Variants in MRC2 observed in about 807,000 individuals in gnomAD.
MRC2 encodes the protein mannose receptor C-type 2, also known as C-type mannose receptor 2.
In MRC2, 84 loss-of-function variants were observed where a neutral mutation model predicts 206.2. That is an observed-to-expected ratio of 0.41 (90% CI 0.34 to 0.49). The LOEUF is 0.49. MRC2 is among the 20% of genes least tolerant of loss of function. The pLI is 0.31. For missense variants in MRC2, 1,676 were observed against 2,001.5 expected, an observed-to-expected ratio of 0.84 and a Z score of 3.10; for synonymous variants, 798 against 800.0, an observed-to-expected ratio of 1.00 and a Z score of 0.04.
intron 20 of MRC2, 68 bp from the exon 21 acceptor site, chr17:62,688,221 A>C: frequency 7.2e-7 from 1 of 1,392,700 alleles, no homozygotes; most frequent in Non-Finnish European, 1.0e-6. Flanking sequence ...AGGGGCGCAC[A>C]GTGGCCTTTC....
Position 62,674,239 on chromosome 17 carries a change from T to C in MRC2, c.1569+69T>C. The C allele has an allele frequency of 1.5e-5, 18 of 1,163,290 alleles. No homozygotes were observed. In the Admixed American group the frequency reaches 1.6e-4, roughly 10 times the overall value. The allele number at this position is 1,163,290 out of a possible 1,614,324, so 72.1% of individuals were successfully genotyped here. ...GAGGGGCTACCAGGGGAGGGAGAGG[T>C]GGATGAACTCCTGCTGCCTCGCATG... On this transcript the variant is annotated intron_variant, in intron 9 of 29. Transcript: ENST00000303375.
At chr17:62,642,216 A>G (rs1568050548) in intron 1 of MRC2, among the ~76,000 whole-genome samples, 1 of 152,072 alleles carries the variant, frequency 6.6e-6, no homozygotes, top group Non-Finnish European at 1.5e-5. Context: ...GTTGTCTTTT[A>G]TCGGCATTGC....
rs2088840140 is a variant in MRC2 at position 62,672,620 on chromosome 17, C to A, written c.1461+468C>A. The stretch of plus-strand genomic sequence containing the variant: ...GATTGTTGGGTTTTATGACAATTTG[C>A]CATGGTTTGGGCTTAGATGTGGTGT... On this transcript the variant is annotated intron_variant, in intron 8 of 29. Coordinates refer to ENST00000303375, the MANE Select transcript of MRC2 (RefSeq NM_006039.5). This position sits in a 1 kb window ranked among gnomAD's most constrained non-coding sequence, Gnocchi z 4.5. Among the ~76,000 whole-genome samples, 1 of 152,094 alleles carries A rather than the reference C, an allele frequency of 6.6e-6. No individual in the cohort carries two copies. The highest frequency in any genetic ancestry group is 2.4e-5 in the African/African-American group (1 of 41,398).
chr17:62,638,782 G>A (rs1282654107), intron 1 of MRC2, among the ~76,000 whole-genome samples: 2 of 150,658 alleles, frequency 1.3e-5, no homozygotes, highest in Non-Finnish European at 2.9e-5. Flanking sequence ...GCCAGGCGTG[G>A]TGGTGGGCGC....
intron 26 of MRC2, 134 bp from the exon 27 acceptor site, chr17:62,690,504 GCACA>G: frequency 1.4e-6 from 2 of 1,384,652 alleles, no homozygotes; most frequent in Non-Finnish European, 2.0e-6. Flanking sequence ...TTGCACATGT[GCACA>G]CACACACACA....
chr17:62,687,163 C>CT (rs898154129), intron 20 of MRC2, among the ~76,000 whole-genome samples: 97 of 151,614 alleles, frequency 6.4e-4, no homozygotes, highest in Non-Finnish European at 1.3e-3. Context: ...TACACCCTTT[C>CT]TTTTTTTTTC....
At chr17:62,630,021 G>A (rs1292041983) in intron 1 of MRC2, among the ~76,000 whole-genome samples, 2 of 151,942 alleles carry the variant, frequency 1.3e-5, no homozygotes, top group African/African-American at 4.8e-5. Flanking sequence ...AGTGGCCCGC[G>A]GAGACTGTCA....
At chr17:62,646,485 A>C (rs1598971354) in intron 1 of MRC2, among the ~76,000 whole-genome samples, 1 of 152,152 alleles carries the variant, frequency 6.6e-6, no homozygotes, top group Admixed American at 6.5e-5. Context: ...CACTGATAGA[A>C]GTGTCACTGT....
intron 1 of MRC2, among the ~76,000 whole-genome samples, chr17:62,636,039 G>A (rs954750549): frequency 2.0e-5 from 3 of 151,426 alleles, no homozygotes; most frequent in Non-Finnish European, 2.9e-5. Context: ...CACCTGCCTC[G>A]GCCTCCCAAA....
chr17:62,659,978 T>C lies in MRC2; in HGVS notation c.119-4570T>C, dbSNP rs1034712849. Reference sequence around the variant, plus strand: ...TCAGGCAGAACTGTAGGTGCTGGGGTTACAGTGGTGGAGAAGACAGAAAAC... The same window carrying C: ...TCAGGCAGAACTGTAGGTGCTGGGGCTACAGTGGTGGAGAAGACAGAAAAC... On this transcript the variant is annotated intron_variant, in intron 1 of 29. Coordinates refer to ENST00000303375, the MANE Select transcript of MRC2 (RefSeq NM_006039.5). Among the ~76,000 whole-genome samples, 2 of 152,190 alleles carry C rather than the reference T, an allele frequency of 1.3e-5. 1 individual carries two copies. Among genetic ancestry groups the C allele is most frequent in the South Asian group, 4.1e-4 (2 of 4,820 alleles).
intron 20 of MRC2, among the ~76,000 whole-genome samples, chr17:62,686,377 T>C (rs989734262): frequency 1.1e-4 from 16 of 151,948 alleles, no homozygotes; most frequent in African/African-American, 3.4e-4. Context: ...AGCTTGAACC[T>C]GGGAGGCGGA....
At position 62,667,246 on chromosome 17, in the gene MRC2, G is replaced by T; in HGVS notation, c.974-144G>T. On this transcript the variant is annotated intron_variant, in intron 5 of 29. Transcript: ENST00000303375. This position sits in a 1 kb window ranked among gnomAD's most constrained non-coding sequence, Gnocchi z 4.1. Reference sequence around the variant, plus strand: ...CGCGGAGGACCCCGTGGTCTGGGGCGGAGCTGGAGCTGAGCACCAGGCTTC... The same window carrying T: ...CGCGGAGGACCCCGTGGTCTGGGGCTGAGCTGGAGCTGAGCACCAGGCTTC... 1 of 1,081,044 alleles carries T rather than the reference G, an allele frequency of 9.3e-7. No individual in the cohort carries two copies. Among genetic ancestry groups the T allele is most frequent in the East Asian group, 2.6e-5 (1 of 37,988 alleles). 67.0% of individuals were successfully genotyped at this position (1,081,044 alleles called of 1,614,324 possible). A position where few individuals can be genotyped will look rare whatever the true frequency, so the allele number is the denominator to read the frequency against.
rs1034831929 is a variant in MRC2, at chr17:62,652,700, C to T, written c.119-11848C>T. Among the ~76,000 whole-genome samples the T allele has an allele frequency of 1.3e-5, 2 of 150,496 alleles. No homozygotes were observed. Among genetic ancestry groups the T allele is most frequent in the Non-Finnish European group, 3.0e-5 (2 of 67,728 alleles). On this transcript the variant is annotated intron_variant, in intron 1 of 29. Coordinates refer to ENST00000303375, the MANE Select transcript of MRC2 (RefSeq NM_006039.5). This position sits in a 1 kb window ranked among gnomAD's most constrained non-coding sequence, Gnocchi z 4.6. Reference sequence around the variant, plus strand: ...GGGAAGTGCCACAGATTGAGGGGCGCACGGCGGTGGAGGGAGGGGCGCCCA... The same window carrying T: ...GGGAAGTGCCACAGATTGAGGGGCGTACGGCGGTGGAGGGAGGGGCGCCCA...
At chr17:62,646,404 C>T (rs1901569994) in intron 1 of MRC2, among the ~76,000 whole-genome samples, 1 of 152,204 alleles carries the variant, frequency 6.6e-6, no homozygotes, top group African/African-American at 2.4e-5. Flanking sequence ...AAGCTATCCT[C>T]CTGCCTCAGC....
Position 62,627,919 on chromosome 17 carries a change from G to A in MRC2, c.117G>A (p.Pro39=), listed in dbSNP as rs901537123. The change falls in exon 1 of 30, where the codon CCG becomes CCA. Residue 39 remains proline (P), a splice_region_variant and synonymous_variant. Transcript: ENST00000303375. The part of the protein sequence containing the change: ...RPGAPGDAAL[P]EPNVFLIFSH... ...GCGCCCCTGGGGACGCCGCCCTCCCGGGTAAGGCGCTGCCAACTTGGCCAA... is the reference window on the plus strand; with the variant it reads ...GCGCCCCTGGGGACGCCGCCCTCCCAGGTAAGGCGCTGCCAACTTGGCCAA... 2.7e-5 allele frequency: 39 copies of A among 1,442,554 alleles called. No individual in the cohort carries two copies. Among genetic ancestry groups the A allele is most frequent in the Non-Finnish European group, 3.4e-5 (38 of 1,106,528 alleles). 89.4% of individuals were successfully genotyped at this position (1,442,554 alleles called of 1,614,324 possible). A position where few individuals can be genotyped will look rare whatever the true frequency, so the allele number is the denominator to read the frequency against.
At chr17:62,637,989 C>T (rs1466219668) in intron 1 of MRC2, among the ~76,000 whole-genome samples, 2 of 152,128 alleles carry the variant, frequency 1.3e-5, no homozygotes, top group East Asian at 1.9e-4. Flanking sequence ...CTTAGCTTCC[C>T]AAGTAGCTGG....
At chr17:62,689,472 CG>C in intron 23 of MRC2, 49 bp from the exon 24 acceptor site, 1 of 1,265,130 alleles carries the variant, frequency 7.9e-7, no homozygotes, top group Non-Finnish European at 1.1e-6. Flanking sequence ...TGCCTGGGAA[CG>C]GGGTGAGGGA....
Position 62,677,506 on chromosome 17 carries a change from G to T in MRC2, c.2052+20G>T, listed in dbSNP as rs747289994. 1 of 1,575,850 alleles carries T rather than the reference G, an allele frequency of 6.3e-7. No homozygotes were observed. On this transcript the variant is annotated intron_variant, in intron 12 of 29. Transcript: ENST00000303375. ...TATAAGGTAGGGCAGCCTGTTGGCC[G>T]GGTAGGGGGCAGGGGGAGGACAGGA...
At chr17:62,655,190 G>T (rs1316037675) in intron 1 of MRC2, among the ~76,000 whole-genome samples, 1 of 151,176 alleles carries the variant, frequency 6.6e-6, no homozygotes, top group Non-Finnish European at 1.5e-5. Context: ...GGAGGCTGAG[G>T]CAGGAGAATG....
Sources: allele counts gnomAD v4.1 joint callset (sites outside exome capture counted in the v4.1 genomes callset), GRCh38; gene constraint gnomAD v4.1.1; non-coding constraint Gnocchi (gnomAD v3.1); transcripts MANE v1.5; gene names NCBI Gene and HGNC (gene_info 2026-07-23, HGNC 2026-07-21).